PLD5: variants seen among roughly 807,000 people sequenced by gnomAD.
PLD5 encodes inactive phospholipase D5.
Under a neutral mutation model 61.1 loss-of-function variants are expected in PLD5, and 36 were observed. That is an observed-to-expected ratio of 0.59 (90% CI 0.45 to 0.78). PLD5 has a LOEUF of 0.78. PLD5 is among the 30% of genes least tolerant of loss of function. The probability of loss-of-function intolerance (pLI) is 0.00; values close to 1 mark genes in which losing one functional copy is unlikely to be tolerated. For missense variants in PLD5, 515 were observed against 644.4 expected (o/e 0.80, Z 2.17); for synonymous variants, 243 against 242.8 (o/e 1.00, Z -0.01).
intron 2 of PLD5, among the ~76,000 whole-genome samples, chr1:242,339,472 C>G (rs1252206501): frequency 6.6e-6 from 1 of 152,166 alleles, no homozygotes; most frequent in South Asian, 2.1e-4. Context: ...ATGCAGATGA[C>G]CTTTGAAGGC....
intron 2 of PLD5, among the ~76,000 whole-genome samples, chr1:242,289,194 T>C (rs1340295594): frequency 1.3e-5 from 2 of 152,260 alleles, no homozygotes; most frequent in East Asian, 3.8e-4. Flanking sequence ...TCTCTTTTTA[T>C]ACTTTTTATT....
chr1:242,247,084 C>A (rs1225904937), intron 4 of PLD5, among the ~76,000 whole-genome samples: 1 of 150,938 alleles, frequency 6.6e-6, no homozygotes, highest in African/African-American at 2.4e-5. Context: ...CCCGGGTTCA[C>A]GCCATTCTCC....
At chr1:242,372,343 A>G (rs1358212995) in intron 1 of PLD5, among the ~76,000 whole-genome samples, 1 of 152,184 alleles carries the variant, frequency 6.6e-6, no homozygotes, top group Non-Finnish European at 1.5e-5. Context: ...GGAAGAATCA[A>G]TATCGTGAAA....
At chr1:242,440,719 C>T (rs927446179) in intron 1 of PLD5, among the ~76,000 whole-genome samples, 1 of 152,236 alleles carries the variant, frequency 6.6e-6, no homozygotes, top group African/African-American at 2.4e-5. Flanking sequence ...TCTTCCTCCT[C>T]TTCCAGCCTT....
At chr1:242,167,638 G>A (rs1574437016) in intron 5 of PLD5, among the ~76,000 whole-genome samples, 1 of 152,256 alleles carries the variant, frequency 6.6e-6, no homozygotes, top group African/African-American at 2.4e-5. Context: ...TCACATACAT[G>A]ATATTGTTAA....
At chr1:242,512,252 A>T (rs1325118287) in intron 1 of PLD5, among the ~76,000 whole-genome samples, 3 of 140,738 alleles carry the variant, frequency 2.1e-5, no homozygotes, top group Non-Finnish European at 4.6e-5. Context: ...TCTACTAAAA[A>T]TACAAAAAAA....
At chr1:242,394,910 A>ACAT (rs1663380590) in intron 1 of PLD5, among the ~76,000 whole-genome samples, 3 of 132,872 alleles carry the variant, frequency 2.3e-5, no homozygotes, top group Admixed American at 8.7e-5. Flanking sequence ...ATATATGAAT[A>ACAT]TATATGTATA....
chr1:242,283,846 A>G (rs1169495790), intron 3 of PLD5, among the ~76,000 whole-genome samples: 1 of 152,086 alleles, frequency 6.6e-6, no homozygotes, highest in South Asian at 2.1e-4. Flanking sequence ...TTCCTTTTCC[A>G]TTTGAAAGAT....
chr1:242,124,069 A>G (rs138728272), intron 6 of PLD5, among the ~76,000 whole-genome samples: 163 of 152,340 alleles, frequency 1.1e-3, no homozygotes, highest in African/African-American at 3.6e-3. Flanking sequence ...TGAAAAATCA[A>G]TGTAGGGCAT....
intron 5 of PLD5, among the ~76,000 whole-genome samples, chr1:242,211,184 C>A (rs1189874934): frequency 6.6e-6 from 1 of 152,074 alleles, no homozygotes; most frequent in African/African-American, 2.4e-5. Context: ...CCATCTAGGA[C>A]TTTTGTGGGA....
In PLD5 at chr1:242,312,942, T is replaced by A. The variant is rs74914675; in HGVS notation, c.327-24412A>T. 6.1e-3 allele frequency among the ~76,000 whole-genome samples: 934 copies of A among 152,368 alleles called. 14 individuals are homozygous for A. Among genetic ancestry groups the A allele is most frequent in the African/African-American group, 0.022 (897 of 41,594 alleles). ...GTTTAATCAGTCTCTTATTTAACAT[T>A]TCCTTGGGAAAACAAGGACCTAAAA... On this transcript the variant is annotated intron_variant, in intron 2 of 9. Coordinates refer to ENST00000536534, the MANE Select transcript of PLD5 (RefSeq NM_001372062.1).
At chr1:242,395,043 GTA>G (rs1553366941) in intron 1 of PLD5, among the ~76,000 whole-genome samples, 4 of 67,438 alleles carry the variant, frequency 5.9e-5, no homozygotes, top group African/African-American at 2.9e-4. Context: ...GAATGTATAT[GTA>G]TATATGAATA....
chr1:242,312,519 A>T lies in PLD5; in HGVS notation c.327-23989T>A, dbSNP rs375475527. 7.9e-5 allele frequency among the ~76,000 whole-genome samples: 12 copies of T among 152,004 alleles called. No individual in the cohort carries two copies. In the East Asian group the frequency reaches 1.7e-3, roughly 22 times the overall value. On this transcript the variant is annotated intron_variant, in intron 2 of 9. Coordinates refer to ENST00000536534, the MANE Select transcript of PLD5 (RefSeq NM_001372062.1). ...ACCTGTTCTATTGTATTGCTCAAAG[A>T]TCTCTTGCCCCAGATATCTGTGGGT...
intron 1 of PLD5, among the ~76,000 whole-genome samples, chr1:242,371,185 G>A (rs1373397577): frequency 3.9e-5 from 6 of 152,076 alleles, no homozygotes; most frequent in Non-Finnish European, 7.4e-5. Context: ...CTAGTGTTCA[G>A]TTTCTCCTTA....
At chr1:242,269,025 TAGAG>T (rs898408447) in intron 3 of PLD5, among the ~76,000 whole-genome samples, 27 of 152,044 alleles carry the variant, frequency 1.8e-4, no homozygotes, top group Non-Finnish European at 3.4e-4. Context: ...GTATTTTTAG[TAGAG>T]ATAGGGTTTC....
At chr1:242,497,365 C>A (rs1317906390) in intron 1 of PLD5, among the ~76,000 whole-genome samples, 1 of 152,162 alleles carries the variant, frequency 6.6e-6, no homozygotes, top group Non-Finnish European at 1.5e-5. Flanking sequence ...TTCTTTCTTA[C>A]TTATATTTAT....
chr1:242,451,108 A>G (rs1017426475), intron 1 of PLD5, among the ~76,000 whole-genome samples: 1 of 152,142 alleles, frequency 6.6e-6, no homozygotes, highest in Admixed American at 6.5e-5. Flanking sequence ...AGGCGGCAAC[A>G]TCTACTGCAG....
intron 5 of PLD5, among the ~76,000 whole-genome samples, chr1:242,134,029 C>T (rs1020018): frequency 0.66 from 100,538 of 152,114 alleles, 33,627 homozygotes; most frequent in African/African-American, 0.74. Flanking sequence ...AAGTTGAGGT[C>T]ATTCCAGTTT....
chr1:242,207,802 A>T (rs1197082929), intron 5 of PLD5, among the ~76,000 whole-genome samples: 2 of 79,768 alleles, frequency 2.5e-5, no homozygotes, highest in Admixed American at 3.1e-4. Flanking sequence ...ATATATATTT[A>T]TATATATTTA....
Sources: gnomAD v4.1 joint callset for allele counts (sites outside exome capture counted in the v4.1 genomes callset) on GRCh38, gnomAD v4.1.1 for gene constraint, MANE v1.5 for transcripts, NCBI Gene and HGNC (gene_info 2026-07-23, HGNC 2026-07-21) for gene names.